CNTNAP2: variants seen among roughly 807,000 people sequenced by gnomAD.
The protein encoded by CNTNAP2 is contactin associated protein 2, also known as contactin-associated protein-like 2.
Under a neutral mutation model 155.2 loss-of-function variants are expected in CNTNAP2, and 98 were observed. The observed-to-expected ratio is 0.63, with a 90% CI of 0.54 to 0.75. The LOEUF (loss-of-function observed/expected upper bound fraction) is 0.75, where lower values mean the gene tolerates loss of function less well. Ranked by LOEUF, CNTNAP2 falls within the 30% of genes least tolerant of loss-of-function variation. The pLI, the probability that CNTNAP2 is intolerant of heterozygous loss-of-function variation, is 0.00. For missense variants in CNTNAP2, 1,727 were observed against 1,688.1 expected, an observed-to-expected ratio of 1.02 and a Z score of -0.40; for synonymous variants, 651 against 631.2, an observed-to-expected ratio of 1.03 and a Z score of -0.47.
intron 20 of CNTNAP2, among the ~76,000 whole-genome samples, chr7:148,239,138 C>T (rs1317976999): frequency 2.6e-5 from 4 of 152,192 alleles, no homozygotes; most frequent in Non-Finnish European, 4.4e-5. Context: ...TTGTGCAATA[C>T]AAGCATGCTT....
At chr7:146,789,599 C>CA (rs35157587) in intron 2 of CNTNAP2, among the ~76,000 whole-genome samples, 27,513 of 122,796 alleles carry the variant, frequency 0.22, 2,706 homozygotes, top group South Asian at 0.33. Context: ...GGGTGGCAGG[C>CA]AAAAAAAAAA....
intron 1 of CNTNAP2, among the ~76,000 whole-genome samples, chr7:146,158,719 G>C (rs1323198420): frequency 1.3e-5 from 2 of 152,166 alleles, no homozygotes; most frequent in Non-Finnish European, 2.9e-5. Flanking sequence ...AATGAACAAA[G>C]CTTCCAAGAA....
At chr7:146,516,253 C>T (rs1481449644) in intron 1 of CNTNAP2, among the ~76,000 whole-genome samples, 1 of 151,934 alleles carries the variant, frequency 6.6e-6, no homozygotes, top group Non-Finnish European at 1.5e-5. Flanking sequence ...CACATGGTGC[C>T]AGATTGAGCC....
At chr7:146,884,719 C>T (rs145240715) in intron 3 of CNTNAP2, among the ~76,000 whole-genome samples, 1 of 152,040 alleles carries the variant, frequency 6.6e-6, no homozygotes, top group African/African-American at 2.4e-5. Context: ...CCATGTCTAA[C>T]TGGGGCCAAA....
At chr7:146,675,617 A>G (rs1476428931) in intron 1 of CNTNAP2, among the ~76,000 whole-genome samples, 1 of 152,194 alleles carries the variant, frequency 6.6e-6, no homozygotes, top group Non-Finnish European at 1.5e-5. Flanking sequence ...TTTGGTTGTC[A>G]TTGGCTTTAA....
intron 14 of CNTNAP2, among the ~76,000 whole-genome samples, chr7:147,906,613 C>G (rs1276773174): frequency 6.6e-6 from 1 of 151,986 alleles, no homozygotes; most frequent in African/African-American, 2.4e-5. Flanking sequence ...GTGCCCACCA[C>G]CATGCCCAGC....
intron 11 of CNTNAP2, among the ~76,000 whole-genome samples, chr7:147,502,234 A>G (rs747800880): frequency 3.5e-4 from 54 of 152,318 alleles, no homozygotes; most frequent in Middle Eastern, 3.4e-3. Context: ...CCTAAAATTC[A>G]TGTGGAATCA....
intron 1 of CNTNAP2, among the ~76,000 whole-genome samples, chr7:146,572,400 G>A (rs1201692197): frequency 2.6e-5 from 4 of 151,680 alleles, no homozygotes. Context: ...CTCAGACTTA[G>A]GGATGTCTTT....
At chr7:146,475,117 T>A (rs918965138) in intron 1 of CNTNAP2, among the ~76,000 whole-genome samples, 2 of 152,164 alleles carry the variant, frequency 1.3e-5, no homozygotes, top group East Asian at 3.9e-4. Flanking sequence ...TTCTGCAGAC[T>A]GGATGTCAAA....
intron 13 of CNTNAP2, among the ~76,000 whole-genome samples, chr7:147,784,159 G>T (rs1797697650): frequency 6.6e-6 from 1 of 151,746 alleles, no homozygotes; most frequent in African/African-American, 2.4e-5. Flanking sequence ...AGCCATATTG[G>T]ATTATAGCTC....
At chr7:146,517,392 T>C (rs540249339) in intron 1 of CNTNAP2, among the ~76,000 whole-genome samples, 1 of 152,080 alleles carries the variant, frequency 6.6e-6, no homozygotes, top group South Asian at 2.1e-4. Flanking sequence ...AGAAGTGACA[T>C]TTCAGCTGAA....
At position 146,200,739 on chromosome 7, in the gene CNTNAP2, T is replaced by C. The variant is rs1008274039; in HGVS notation, c.97+83766T>C. ...CATCTAGGATTGCGCAAATGCACTC[T>C]GCGATGTTTATATCATGGAATCCCC... On this transcript the variant is annotated intron_variant, in intron 1 of 23. Coordinates refer to ENST00000361727, the MANE Select transcript of CNTNAP2 (RefSeq NM_014141.6). 3.3e-5 allele frequency among the ~76,000 whole-genome samples: 5 copies of C among 152,152 alleles called. No individual in the cohort carries two copies. The East Asian group carries it at 9.7e-4, about 29-fold the overall frequency.
At chr7:146,685,484 G>C (rs543183364) in intron 1 of CNTNAP2, among the ~76,000 whole-genome samples, 1 of 152,196 alleles carries the variant, frequency 6.6e-6, no homozygotes, top group South Asian at 2.1e-4. Context: ...ACATTTCCTG[G>C]TAAAAGGGTG....
At chr7:146,689,407 A>G (rs1800659372) in intron 1 of CNTNAP2, among the ~76,000 whole-genome samples, 1 of 152,082 alleles carries the variant, frequency 6.6e-6, no homozygotes, top group South Asian at 2.1e-4. Flanking sequence ...CATCCAGGGT[A>G]GGAGCTCTCT....
chr7:147,260,694 G>A (rs79142095), intron 8 of CNTNAP2, among the ~76,000 whole-genome samples: 7,694 of 152,264 alleles, frequency 0.051, 281 homozygotes, highest in Non-Finnish European at 0.075. Flanking sequence ...ATTGTACAAT[G>A]TTCTTTGAAA....
intron 1 of CNTNAP2, among the ~76,000 whole-genome samples, chr7:146,245,839 T>C (rs969762073): frequency 6.7e-6 from 1 of 149,670 alleles, no homozygotes; most frequent in East Asian, 1.9e-4. Flanking sequence ...GGATGACGGG[T>C]GCAAAGGAAT....
chr7:148,007,360 G>A (rs1261048727), intron 15 of CNTNAP2, among the ~76,000 whole-genome samples: 2 of 152,148 alleles, frequency 1.3e-5, no homozygotes, highest in Middle Eastern at 3.2e-3. Flanking sequence ...TGCTGCTTAT[G>A]TAGGAAGTAA....
At chr7:148,308,065 A>G (rs945794903) in intron 21 of CNTNAP2, among the ~76,000 whole-genome samples, 1 of 152,212 alleles carries the variant, frequency 6.6e-6, no homozygotes, top group Non-Finnish European at 1.5e-5. Context: ...TTTTCAAAAG[A>G]ATTAATTGAT....
At position 147,576,226 on chromosome 7, in the gene CNTNAP2, C is replaced by A. The variant is rs150291623; in HGVS notation, c.1897+13969C>A. Among the ~76,000 whole-genome samples the A allele has an allele frequency of 3.7e-3, 561 of 152,226 alleles. 1 individual carries two copies. Among genetic ancestry groups the A allele is most frequent in the African/African-American group, 0.012 (513 of 41,568 alleles). On this transcript the variant is annotated intron_variant, in intron 12 of 23. Coordinates refer to ENST00000361727, the MANE Select transcript of CNTNAP2 (RefSeq NM_014141.6). ...TGTCTGGTATATGTCAGCACTACTA[C>A]TGCTGTGAATAGACCTCACCACTGT...
Sources: allele counts gnomAD v4.1 joint callset (sites outside exome capture counted in the v4.1 genomes callset), GRCh38; gene constraint gnomAD v4.1.1; transcripts MANE v1.5; gene names NCBI Gene and HGNC (gene_info 2026-07-23, HGNC 2026-07-21).